The following LARGE1 variants were observed in gnomAD, a reference collection of about 807,000 sequenced individuals.
LARGE1 encodes the protein LARGE xylosyl- and glucuronyltransferase 1, also known as xylosyl- and glucuronyltransferase LARGE1.
Under a neutral mutation model 87.6 loss-of-function variants are expected in LARGE1, and 43 were observed. That is an observed-to-expected ratio of 0.49 (90% confidence interval 0.38 to 0.63). The LOEUF is 0.63. LARGE1 is among the 30% of genes least tolerant of loss of function. The pLI is 0.00. For synonymous variants in LARGE1, 434 were observed against 394.6 expected, an observed-to-expected ratio of 1.10 and a Z score of -1.18; for missense variants, 802 against 1,000.2, an observed-to-expected ratio of 0.80 and a Z score of 2.67.
intron 1 of LARGE1, among the ~76,000 whole-genome samples, chr22:33,900,047 C>T (rs2065243318): frequency 6.6e-6 from 1 of 152,214 alleles, no homozygotes; most frequent in Non-Finnish European, 1.5e-5. Context: ...TTCTTAGCCT[C>T]TGCCCCAAGT....
intron 6 of LARGE1, among the ~76,000 whole-genome samples, chr22:33,511,963 G>C (rs1052413608): frequency 1.3e-5 from 2 of 152,164 alleles, no homozygotes; most frequent in East Asian, 1.9e-4. Context: ...CCAGGAAAGG[G>C]AACTGTTTAC....
At chr22:33,203,690 A>T (rs1924531296) in intron 11 of LARGE1, among the ~76,000 whole-genome samples, 1 of 152,160 alleles carries the variant, frequency 6.6e-6, no homozygotes, top group Non-Finnish European at 1.5e-5. Context: ...TTCCCCAGCA[A>T]CTCAAGCATT....
At chr22:33,346,013 T>G (rs1288302724) in intron 9 of LARGE1, among the ~76,000 whole-genome samples, 2 of 152,218 alleles carry the variant, frequency 1.3e-5, no homozygotes, top group East Asian at 3.9e-4. Context: ...ACACTCCAAC[T>G]GACCTTCTAT....
intron 7 of LARGE1, among the ~76,000 whole-genome samples, chr22:33,393,282 G>A (rs1042409393): frequency 1.3e-5 from 2 of 152,214 alleles, no homozygotes; most frequent in Admixed American, 6.5e-5. Context: ...CTCCTATGGG[G>A]CTGCGGAAAT....
intron 2 of LARGE1, among the ~76,000 whole-genome samples, chr22:33,706,498 C>T (rs1472429304): frequency 6.6e-6 from 1 of 152,156 alleles, no homozygotes; most frequent in Non-Finnish European, 1.5e-5. Flanking sequence ...CCCAACTCGG[C>T]CCATAACTCA....
chr22:33,369,499 A>C (rs2064727951), intron 9 of LARGE1, among the ~76,000 whole-genome samples: 1 of 152,164 alleles, frequency 6.6e-6, no homozygotes, highest in African/African-American at 2.4e-5. Context: ...TTATATAGAT[A>C]ACAGAGCCTT....
At chr22:33,118,463 G>A in the LARGE1 span, among the ~76,000 whole-genome samples, 7 of 149,534 alleles carry the variant, frequency 4.7e-5, no homozygotes, top group Non-Finnish European at 1.0e-4. Flanking sequence ...CTGCACTCCA[G>A]CCTGGGTGAC....
intron 11 of LARGE1, among the ~76,000 whole-genome samples, chr22:33,206,574 T>C (rs1924696866): frequency 6.6e-6 from 1 of 152,188 alleles, no homozygotes. Context: ...CTAGAACAAA[T>C]GACCAGCCAC....
At chr22:33,710,749 C>A (rs937478085) in intron 2 of LARGE1, among the ~76,000 whole-genome samples, 2 of 152,094 alleles carry the variant, frequency 1.3e-5, no homozygotes, top group Non-Finnish European at 2.9e-5. Flanking sequence ...GCAGGTACAT[C>A]GATCCAAGTG....
intron 11 of LARGE1, among the ~76,000 whole-genome samples, chr22:33,309,938 G>T (rs1032374260): frequency 1.6e-4 from 24 of 152,298 alleles, no homozygotes; most frequent in African/African-American, 5.8e-4. Context: ...TCATCTGAGG[G>T]TTTTAATGAT....
At chr22:33,492,900 C>A (rs988055813) in intron 6 of LARGE1, among the ~76,000 whole-genome samples, 4 of 152,036 alleles carry the variant, frequency 2.6e-5, no homozygotes, top group African/African-American at 9.7e-5. Context: ...GAGGGAAATG[C>A]GGGCGGCGGG....
At chr22:33,525,012 G>A (rs539141140) in intron 6 of LARGE1, among the ~76,000 whole-genome samples, 1 of 152,310 alleles carries the variant, frequency 6.6e-6, no homozygotes, top group Admixed American at 6.5e-5. Flanking sequence ...TTAGCACACA[G>A]GTCTTCTGGT....
intron 9 of LARGE1, among the ~76,000 whole-genome samples, chr22:33,348,158 G>A (rs2146711383): frequency 6.6e-6 from 1 of 152,200 alleles, no homozygotes; most frequent in Admixed American, 6.5e-5. Flanking sequence ...TGAAACACAG[G>A]CACTTTAAAT....
At chr22:33,677,674 G>A (rs560918115) in intron 2 of LARGE1, among the ~76,000 whole-genome samples, 1 of 152,182 alleles carries the variant, frequency 6.6e-6, no homozygotes, top group East Asian at 1.9e-4. Context: ...AAATTCTTTT[G>A]CCCAAGGGTG....
chr22:33,534,579 C>T (rs763900715), intron 6 of LARGE1, among the ~76,000 whole-genome samples: 3 of 152,130 alleles, frequency 2.0e-5, no homozygotes, highest in Admixed American at 6.5e-5. Context: ...ACACAAATGG[C>T]GACTGCAAGT....
chr22:33,326,181 AGGTT>A (rs1241566023), intron 10 of LARGE1, among the ~76,000 whole-genome samples: 1 of 152,198 alleles, frequency 6.6e-6, no homozygotes, highest in Non-Finnish European at 1.5e-5. Flanking sequence ...TGTTGAGTGA[AGGTT>A]CAGAGAGGGT....
chr22:33,624,016 G>A lies in LARGE1; in HGVS notation c.491+2228C>T, dbSNP rs537408213. Reference sequence around the variant, plus strand: ...CTGCACTCCAGCCTTGGCGACAAGAGCAAAACTCCATCTCAAAAAAAATAA... The same window carrying A: ...CTGCACTCCAGCCTTGGCGACAAGAACAAAACTCCATCTCAAAAAAAATAA... On this transcript the variant is annotated intron_variant, in intron 4 of 14. Transcript: ENST00000397394. 1.8e-4 allele frequency among the ~76,000 whole-genome samples: 27 copies of A among 152,078 alleles called. No individual in the cohort carries two copies. The South Asian group carries it at 4.8e-3, about 27-fold the overall frequency.
At chr22:33,699,488 T>C (rs1603196945) in intron 2 of LARGE1, among the ~76,000 whole-genome samples, 1 of 152,208 alleles carries the variant, frequency 6.6e-6, no homozygotes. Flanking sequence ...TTAAGTGTCG[T>C]CTTCACAGGA....
At chr22:33,321,611 G>A (rs1198648489) in intron 10 of LARGE1, among the ~76,000 whole-genome samples, 1 of 152,194 alleles carries the variant, frequency 6.6e-6, no homozygotes, top group East Asian at 1.9e-4. Flanking sequence ...TCAGAAGAAT[G>A]AAGGGCTTCC....
Sources: allele counts gnomAD v4.1 joint callset (sites outside exome capture counted in the v4.1 genomes callset), GRCh38; gene constraint gnomAD v4.1.1; transcripts MANE v1.5; gene names NCBI Gene and HGNC (gene_info 2026-07-23, HGNC 2026-07-21).